The following BAIAP2 variants were observed in gnomAD, a reference collection of about 807,000 sequenced individuals.
BAIAP2 encodes the protein BAR/IMD domain-containing adapter protein 2.
Under a neutral mutation model 63.0 loss-of-function variants are expected in BAIAP2, and 18 were observed. The observed-to-expected ratio is 0.29, with a 90% CI of 0.20 to 0.42. The LOEUF (loss-of-function observed/expected upper bound fraction) is 0.42, where lower values mean the gene tolerates loss of function less well. Ranked by LOEUF, BAIAP2 falls within the 10% of genes least tolerant of loss-of-function variation. The pLI, the probability that BAIAP2 is intolerant of heterozygous loss-of-function variation, is 1.00. For missense variants in BAIAP2, 610 were observed against 734.3 expected (o/e 0.83, Z 1.96); for synonymous variants, 386 against 307.6 (o/e 1.25, Z -2.67).
At position 81,108,496 on chromosome 17, in the gene BAIAP2, C is replaced by T. The variant is rs777270344; in HGVS notation, c.1522C>T (p.Arg508Trp). The change falls in exon 13 of 14, where the codon CGG becomes TGG. Residue 508 changes from arginine (R) to tryptophan (W), a missense_variant. Around this residue, in one of 5 missense-constraint regions of BAIAP2, gnomAD observed 114 missense variants for 98.2 expected, o/e 1.16. Transcript: ENST00000428708. ...FSQGLDDYGARSMSRNPFAHV... is the reference protein window; with the variant it reads ...FSQGLDDYGAWSMSRNPFAHV... The stretch of plus-strand genomic sequence containing the variant: ...CCAGGGCCTGGATGACTATGGAGCG[C>T]GGTCCATGAGCAGGTAAGGGGACTT... 2.5e-6 allele frequency: 4 copies of T among 1,613,862 alleles called. No individual in the cohort carries two copies. Among genetic ancestry groups the T allele is most frequent in the East Asian group, 4.5e-5 (2 of 44,864 alleles).
chr17:81,062,687 C>T lies in BAIAP2; in HGVS notation c.217+4720C>T, dbSNP rs1177801263. ...CATTTGGGGAATTGTCTTTTTCTTT[C>T]CTTTTTTTTTTTTTTTTCGGTTAGG... On this transcript the variant is annotated intron_variant, in intron 3 of 13. Coordinates refer to ENST00000428708, the MANE Select transcript of BAIAP2 (RefSeq NM_001144888.2). 5.2e-5 allele frequency among the ~76,000 whole-genome samples: 4 copies of T among 77,134 alleles called. No homozygotes were observed. In the Admixed American group the frequency reaches 8.9e-4, roughly 17 times the overall value. 50.6% of individuals were successfully genotyped at this position (77,134 alleles called of 152,430 possible). A position where few individuals can be genotyped will look rare whatever the true frequency, so the allele number is the denominator to read the frequency against.
chr17:81,053,777 C>T, intron 2 of BAIAP2, 34 bp downstream of exon 2: 1 of 1,605,926 alleles, frequency 6.2e-7, no homozygotes, highest in Non-Finnish European at 8.5e-7. Context: ...GGGGTGGGAG[C>T]TGCCTCCTGA....
chr17:81,042,363 C>T (rs764837399), intron 1 of BAIAP2, among the ~76,000 whole-genome samples: 2 of 151,502 alleles, frequency 1.3e-5, no homozygotes, highest in African/African-American at 2.4e-5. Flanking sequence ...GCTATGTTGC[C>T]CAGGCTGGTC....
rs78939258 is a variant in BAIAP2 at position 81,069,067 on chromosome 17, C to T, written c.217+11100C>T. Among the ~76,000 whole-genome samples the T allele has an allele frequency of 2.9e-3, 437 of 152,276 alleles. 4 individuals are homozygous for T. Among genetic ancestry groups the T allele is most frequent in the African/African-American group, 0.01 (418 of 41,536 alleles). ...GGCAGGGGCTGGGCTTAGAAGGATG[C>T]GCTGGGTCCTCCGGCTGTCCCCACT... On this transcript the variant is annotated intron_variant, in intron 3 of 13. Coordinates refer to ENST00000428708, the MANE Select transcript of BAIAP2 (RefSeq NM_001144888.2).
intron 3 of BAIAP2, among the ~76,000 whole-genome samples, chr17:81,058,502 T>C (rs760830006): frequency 2.6e-5 from 4 of 152,244 alleles, no homozygotes; most frequent in Non-Finnish European, 5.9e-5. Context: ...AGGGCCCACG[T>C]GGTGGTGCTG....
chr17:81,109,607 C>G lies in BAIAP2; in HGVS notation c.1535+1098C>G, dbSNP rs560295237. The G allele has an allele frequency of 6.1e-6, 6 of 985,286 alleles. No homozygotes were observed. In the South Asian group the frequency reaches 2.8e-4, roughly 46 times the overall value. 61.0% of individuals were successfully genotyped at this position (985,286 alleles called of 1,614,324 possible). Reference sequence around the variant, plus strand: ...GGCTCGTGCCAAGCTCGAGGGGCCTCCTGAGGAAGCCGGCCGCTCCTGTGA... The same window carrying G: ...GGCTCGTGCCAAGCTCGAGGGGCCTGCTGAGGAAGCCGGCCGCTCCTGTGA... On this transcript the variant is annotated intron_variant, in intron 13 of 13. Transcript: ENST00000428708.
At chr17:81,079,716 G>A (rs746203923) in intron 3 of BAIAP2, among the ~76,000 whole-genome samples, 1 of 152,168 alleles carries the variant, frequency 6.6e-6, no homozygotes, top group Non-Finnish European at 1.5e-5. Context: ...CGGCTCTGCC[G>A]GTCTGTTCTG....
chr17:81,062,677 CTT>C (rs1441795829), intron 3 of BAIAP2, among the ~76,000 whole-genome samples: 1 of 128,684 alleles, frequency 7.8e-6, no homozygotes, highest in African/African-American at 2.9e-5. Flanking sequence ...GGGGAATTGT[CTT>C]TTTCTTTCCT....
rs534674100 is a variant in BAIAP2 at position 81,064,581 on chromosome 17, A to T, written c.217+6614A>T. On this transcript the variant is annotated intron_variant, in intron 3 of 13. Coordinates refer to ENST00000428708, the MANE Select transcript of BAIAP2 (RefSeq NM_001144888.2). ...ATGCTTCTGAACCAGAGCCTGGCCCAGGGGTGAAAGCCCAGAGAGTCTTTT... is the reference window on the plus strand; with the variant it reads ...ATGCTTCTGAACCAGAGCCTGGCCCTGGGGTGAAAGCCCAGAGAGTCTTTT... 2.7e-5 allele frequency among the ~76,000 whole-genome samples: 4 copies of T among 148,710 alleles called. No individual in the cohort carries two copies. In the East Asian group the frequency reaches 7.8e-4, roughly 29 times the overall value.
chr17:81,109,886 G>T, intron 13 of BAIAP2: 2 of 985,260 alleles, frequency 2.0e-6, no homozygotes, highest in Non-Finnish European at 2.4e-6. Context: ...TCTGGGCAGG[G>T]TGTGCGGGCC....
chr17:81,111,675 C>T (rs1475634728), intron 13 of BAIAP2, among the ~76,000 whole-genome samples: 1 of 152,240 alleles, frequency 6.6e-6, no homozygotes, highest in African/African-American at 2.4e-5. Context: ...AGTCCATTTC[C>T]TCACGGGTTG....
intron 9 of BAIAP2, 51 bp downstream of exon 9, chr17:81,104,159 A>G: frequency 1.3e-6 from 2 of 1,580,980 alleles, no homozygotes; most frequent in Non-Finnish European, 1.7e-6. Context: ...GTGCCTCCTC[A>G]GACCCTACAG....
chr17:81,100,833 C>T (rs757543563), intron 7 of BAIAP2, among the ~76,000 whole-genome samples: 1 of 152,292 alleles, frequency 6.6e-6, no homozygotes, highest in Non-Finnish European at 1.5e-5. Flanking sequence ...CAAACCTGGT[C>T]ACAGGGTCCT....
Position 81,057,969 on chromosome 17 carries a change from T to TGCGGGGGGG in BAIAP2, c.217+3_217+4insCGGGGGGGG. 3 of 964,840 alleles carry TGCGGGGGGG rather than the reference T, an allele frequency of 3.1e-6. No homozygotes were observed. The highest frequency in any genetic ancestry group is 4.2e-6 in the Non-Finnish European group (3 of 713,566). The allele number at this position is 964,840 out of a possible 1,614,324, so 59.8% of individuals were successfully genotyped here. On this transcript the variant is annotated splice_region_variant and intron_variant, in intron 3 of 13. Coordinates refer to ENST00000428708, the MANE Select transcript of BAIAP2 (RefSeq NM_001144888.2). ...AGAGCCAGGGCTCCAAAGAACTCGG[T>TGCGGGGGGG]GAGACCCCCCCCCCCCCCCCGCCTG...
chr17:81,062,840 A>T (rs973240913), intron 3 of BAIAP2, among the ~76,000 whole-genome samples: 13 of 151,402 alleles, frequency 8.6e-5, no homozygotes, highest in Non-Finnish European at 1.6e-4. Context: ...AGGGCCTCAC[A>T]CCGTCGTCTT....
In BAIAP2 at chr17:81,035,158, G is replaced by C. The variant is rs1419344890; in HGVS notation, c.-97G>C. ...CGCCGGACGCCGGGCTCTGTGGTTC[G>C]GGTCCGCTTTCGTCTCCGTCCTGCT... On this transcript the variant is annotated 5_prime_UTR_variant, in exon 1 of 14. Transcript: ENST00000428708. 1.0e-6 allele frequency: 1 copy of C among 1,000,186 alleles called. No homozygotes were observed. The highest frequency in any genetic ancestry group is 1.7e-5 in the African/African-American group (1 of 58,140). The allele number at this position is 1,000,186 out of a possible 1,614,324, so 62.0% of individuals were successfully genotyped here.
chr17:81,108,635 CCT>C lies in BAIAP2; in HGVS notation c.1535+127_1535+128del, dbSNP rs1034403814. ...TTAGGGCCCAGCCTGGCCCTTCACC[CCT>C]GTCAGAGCCGGGGATGTCCCTTAGG... On this transcript the variant is annotated intron_variant, in intron 13 of 13. Transcript: ENST00000428708. The C allele has an allele frequency of 2.6e-5, 33 of 1,260,410 alleles. 1 individual carries two copies. In the African/African-American group the frequency reaches 3.0e-4, roughly 11 times the overall value. The allele number at this position is 1,260,410 out of a possible 1,614,324, so 78.1% of individuals were successfully genotyped here.
chr17:81,059,717 C>G (rs3935139), intron 3 of BAIAP2, among the ~76,000 whole-genome samples: 13,637 of 152,270 alleles, frequency 0.09, 710 homozygotes, highest in Non-Finnish European at 0.11. Flanking sequence ...TCCTAGACTG[C>G]TGGGATTATA....
intron 6 of BAIAP2, among the ~76,000 whole-genome samples, chr17:81,095,856 A>ACTCTC (rs1440270653): frequency 6.6e-6 from 1 of 150,780 alleles, no homozygotes; most frequent in Non-Finnish European, 1.5e-5. Flanking sequence ...TAAAACACCA[A>ACTCTC]CTCTCTTCCC....
Sources: gnomAD v4.1 joint callset for allele counts (sites outside exome capture counted in the v4.1 genomes callset) on GRCh38, gnomAD v4.1.1 for gene constraint, gnomAD v4.1.1 regional missense constraint, MANE v1.5 for transcripts, NCBI Gene and HGNC (gene_info 2026-07-23, HGNC 2026-07-21) for gene names.